TC2N: variants seen among roughly 807,000 people sequenced by gnomAD.
The protein encoded by TC2N is tandem C2 domains, nuclear, also known as tandem C2 domains nuclear protein.
TC2N carries 51 observed loss-of-function variants against 61.9 expected under a neutral mutation model. The ratio of observed to expected loss-of-function variants is 0.82; its 90% CI spans 0.66 to 1.04. The LOEUF (loss-of-function observed/expected upper bound fraction) is 1.04. Among genes scored for constraint, TC2N ranks in the 50% least tolerant of loss-of-function variants. The probability of loss-of-function intolerance (pLI) is 0.00; values close to 1 mark genes in which losing one functional copy is unlikely to be tolerated. For missense variants in TC2N, 556 were observed against 566.7 expected, an observed-to-expected ratio of 0.98 and a Z score of 0.19; for synonymous variants, 204 against 192.6, an observed-to-expected ratio of 1.06 and a Z score of -0.49.
intron 3 of TC2N, among the ~76,000 whole-genome samples, chr14:91,804,489 T>C (rs878945133): frequency 7.2e-5 from 11 of 152,124 alleles, no homozygotes; most frequent in Admixed American, 4.6e-4. Flanking sequence ...TACATACAAA[T>C]TCCTTATAAT....
At chr14:91,835,558 G>A (rs777164373) in intron 1 of TC2N, among the ~76,000 whole-genome samples, 1 of 152,144 alleles carries the variant, frequency 6.6e-6, no homozygotes, top group Admixed American at 6.5e-5. Context: ...CATCTATCTT[G>A]TCTATACCCA....
intron 3 of TC2N, among the ~76,000 whole-genome samples, chr14:91,804,838 G>A (rs1213597426): frequency 6.6e-6 from 1 of 151,984 alleles, no homozygotes; most frequent in African/African-American, 2.4e-5. Flanking sequence ...GAAGCTATGG[G>A]GTTACTAGTA....
chr14:91,835,056 C>T (rs536281806), intron 1 of TC2N, among the ~76,000 whole-genome samples: 2 of 152,292 alleles, frequency 1.3e-5, no homozygotes, highest in East Asian at 1.9e-4. Context: ...TTTCTCTCCA[C>T]CTGAATTAAT....
chr14:91,807,583 C>T (rs1886572385), intron 3 of TC2N, among the ~76,000 whole-genome samples: 1 of 152,154 alleles, frequency 6.6e-6, no homozygotes, highest in Admixed American at 6.5e-5. Context: ...TTCATTTCAG[C>T]CAATTTATCC....
intron 1 of TC2N, among the ~76,000 whole-genome samples, chr14:91,851,481 A>G (rs1293971096): frequency 6.6e-6 from 1 of 152,146 alleles, no homozygotes. Context: ...AAGTTCTGTA[A>G]GTGGCCAGTG....
At chr14:91,843,889 T>A (rs1888212181) in intron 1 of TC2N, among the ~76,000 whole-genome samples, 2 of 152,164 alleles carry the variant, frequency 1.3e-5, no homozygotes, top group Admixed American at 1.3e-4. Context: ...CCTATTTTTT[T>A]TCAGACATTC....
chr14:91,807,079 C>T (rs1030109341), intron 3 of TC2N, among the ~76,000 whole-genome samples: 2 of 152,196 alleles, frequency 1.3e-5, no homozygotes, highest in Admixed American at 6.5e-5. Context: ...CATGGTTGAG[C>T]CTGCAGGTGC....
intron 8 of TC2N, among the ~76,000 whole-genome samples, chr14:91,796,427 T>C (rs974245647): frequency 6.6e-6 from 1 of 152,124 alleles, no homozygotes; most frequent in African/African-American, 2.4e-5. Context: ...CATGGTGTTA[T>C]GGGATGAATT....
Position 91,798,391 on chromosome 14 carries a change from T to G in TC2N, c.646A>C (p.Thr216Pro). ...AAGTCCCTTTCATCTCCTGATAGAG[T>G]AATTGTATCTGAATTATAAAAGGAC... ...QGSNRSLDTITLSGDERDFGR... is the reference protein window; with the variant it reads ...QGSNRSLDTIPLSGDERDFGR... The change falls in exon 7 of 12, where the codon ACT becomes CCT. Residue 216 changes from threonine (T) to proline (P), a missense_variant. Physicochemically the swap from Thr to Pro is conservative, Grantham distance 38. Transcript: ENST00000435962. The G allele has an allele frequency of 6.5e-7, 1 of 1,536,960 alleles. No individual in the cohort carries two copies. Among genetic ancestry groups the G allele is most frequent in the Middle Eastern group, 1.7e-4 (1 of 5,922 alleles).
At chr14:91,784,511 T>C (rs983524178) in intron 11 of TC2N, among the ~76,000 whole-genome samples, 59 of 152,246 alleles carry the variant, frequency 3.9e-4, no homozygotes, top group Non-Finnish European at 1.5e-4. Context: ...ACCAATAATA[T>C]AGATTTTGGA....
chr14:91,798,976 C>G lies in TC2N; in HGVS notation c.637+13G>C. ...ATCTTAAGAGTATAAAAGTAGGATA[C>G]TTTATTCCTTACCCAGGCTTCTGTT... On this transcript the variant is annotated intron_variant, in intron 6 of 11. Transcript: ENST00000435962. The G allele has an allele frequency of 6.4e-7, 1 of 1,565,686 alleles. No homozygotes were observed. The highest frequency in any genetic ancestry group is 8.8e-7 in the Non-Finnish European group (1 of 1,142,392).
Position 91,846,025 on chromosome 14 carries a change from A to T in TC2N, c.-57+21237T>A, listed in dbSNP as rs10151688. On this transcript the variant is annotated intron_variant, in intron 1 of 11. Transcript: ENST00000435962. ...TTGGGCACCCGTTGATCAGATGTTT[A>T]CCCTGGTCCACTTCAGAGGTAGCTG... Among the ~76,000 whole-genome samples the T allele has an allele frequency of 2.6e-5, 4 of 151,724 alleles. No homozygotes were observed. The South Asian group carries it at 8.3e-4, about 32-fold the overall frequency.
intron 1 of TC2N, among the ~76,000 whole-genome samples, chr14:91,844,611 A>T (rs1239725775): frequency 6.6e-6 from 1 of 151,062 alleles, no homozygotes; most frequent in Non-Finnish European, 1.5e-5. Context: ...AAAATATAAA[A>T]ATTAGCTGGG....
At chr14:91,823,535 A>AC in intron 1 of TC2N, among the ~76,000 whole-genome samples, 1 of 5,946 alleles carries the variant, frequency 1.7e-4, no homozygotes, top group Admixed American at 3.5e-3. Flanking sequence ...AAAAAAAAAA[A>AC]GAAAAAAGAA....
chr14:91,789,660 T>G (rs895716741), intron 9 of TC2N, among the ~76,000 whole-genome samples: 3 of 151,218 alleles, frequency 2.0e-5, no homozygotes, highest in Non-Finnish European at 1.5e-5. Context: ...GCAATAGGCT[T>G]ACCATTTCCT....
At chr14:91,802,059 C>T (rs529177741) in intron 4 of TC2N, among the ~76,000 whole-genome samples, 195 bp downstream of exon 4, 3 of 152,288 alleles carry the variant, frequency 2.0e-5, no homozygotes, top group Non-Finnish European at 4.4e-5. Context: ...ACAGATATAA[C>T]TCATTAATCT....
chr14:91,865,374 T>G (rs911554561), intron 1 of TC2N, among the ~76,000 whole-genome samples: 2 of 144,870 alleles, frequency 1.4e-5, no homozygotes, highest in South Asian at 2.1e-4. Flanking sequence ...TCTTGGTTTT[T>G]TTTTTTTTTT....
intron 3 of TC2N, among the ~76,000 whole-genome samples, chr14:91,806,119 CCATGTAAGATGTGTCTTTCTCCT>C (rs1886497982): frequency 1.3e-5 from 2 of 152,110 alleles, no homozygotes; most frequent in African/African-American, 4.8e-5. Flanking sequence ...TTGCCTGCTA[CCATGTAAGATGTGTCTTTCTCCT>C]TCCACCATGA....
At chr14:91,806,680 A>G (rs1469781887) in intron 3 of TC2N, among the ~76,000 whole-genome samples, 1 of 152,166 alleles carries the variant, frequency 6.6e-6, no homozygotes, top group Non-Finnish European at 1.5e-5. Flanking sequence ...TGCTGTTAAA[A>G]GCATTCAGTT....
Sources: gnomAD v4.1 joint callset for allele counts (sites outside exome capture counted in the v4.1 genomes callset) on GRCh38, gnomAD v4.1.1 for gene constraint, MANE v1.5 for transcripts, NCBI Gene and HGNC (gene_info 2026-07-23, HGNC 2026-07-21) for gene names.